CAST: variants seen among roughly 807,000 people sequenced by gnomAD.
CAST encodes calpastatin.
A neutral mutation model predicts 119.6 loss-of-function variants in CAST; 76 were observed. The ratio of observed to expected loss-of-function variants is 0.64; its 90% CI spans 0.53 to 0.77. CAST has a LOEUF of 0.77. Among genes scored for constraint, CAST ranks in the 30% least tolerant of loss-of-function variants. The probability of loss-of-function intolerance (pLI) is 0.00; values close to 1 mark genes in which losing one functional copy is unlikely to be tolerated. For synonymous variants in CAST, 319 were observed against 331.6 expected, an observed-to-expected ratio of 0.96 and a Z score of 0.41; for missense variants, 953 against 946.5, an observed-to-expected ratio of 1.01 and a Z score of -0.09.
chr5:96,743,580 C>G (rs1374634299), intron 16 of CAST: 1 of 1,592,084 alleles, frequency 6.3e-7, no homozygotes, highest in Non-Finnish European at 8.5e-7. Flanking sequence ...GGGAGTCTCC[C>G]TGACTTCCAG....
the CAST span, among the ~76,000 whole-genome samples, chr5:96,177,376 C>G: frequency 3.9e-5 from 6 of 152,210 alleles, no homozygotes; most frequent in Non-Finnish European, 4.4e-5. Flanking sequence ...ATATTGTACT[C>G]TGGTCCTTTG....
chr5:96,773,390 A>C lies in CAST; in HGVS notation c.*774A>C, dbSNP rs892021905. 3.9e-5 allele frequency: 6 copies of C among 152,846 alleles called. No individual in the cohort carries two copies. The highest frequency in any genetic ancestry group is 1.4e-4 in the African/African-American group (6 of 41,450). The allele number at this position is 152,846 out of a possible 1,614,324, so 9.5% of individuals were successfully genotyped here. A position where few individuals can be genotyped will look rare whatever the true frequency, so the allele number is the denominator to read the frequency against. On this transcript the variant is annotated 3_prime_UTR_variant, in exon 32 of 32. Coordinates refer to ENST00000675179, the MANE Select transcript of CAST (RefSeq NM_001750.7). ...TAGCAAATTTCGAGCATAAGAAATA[A>C]AATCTAATTAATTCTTAGGGTACTC... is the stretch of plus-strand genomic sequence containing the variant.
the CAST span, chr5:96,399,106 A>T: frequency 8.8e-7 from 1 of 1,132,202 alleles, no homozygotes; most frequent in Non-Finnish European, 1.3e-6. Context: ...GCATATCTGC[A>T]TGCATCAATC....
At chr5:96,361,279 G>A in the CAST span, among the ~76,000 whole-genome samples, 42 of 152,282 alleles carry the variant, frequency 2.8e-4, no homozygotes, top group African/African-American at 9.4e-4. Flanking sequence ...TGCGGGGGTG[G>A]GGTCCGCTGA....
the CAST span, among the ~76,000 whole-genome samples, chr5:96,001,615 T>C: frequency 6.6e-6 from 1 of 152,252 alleles, no homozygotes; most frequent in Non-Finnish European, 1.5e-5. Context: ...ATTCTCTTTA[T>C]TGTATTCAAA....
At chr5:96,396,951 A>G in the CAST span, among the ~76,000 whole-genome samples, 1 of 152,250 alleles carries the variant, frequency 6.6e-6, no homozygotes, top group Non-Finnish European at 1.5e-5. Flanking sequence ...CATGCCTTTA[A>G]GATGTGACTC....
At chr5:96,301,145 A>G in the CAST span, among the ~76,000 whole-genome samples, 82 of 152,260 alleles carry the variant, frequency 5.4e-4, no homozygotes, top group Admixed American at 1.0e-3. Context: ...GGCAAAAGGG[A>G]AGCTGACACA....
upstream of CAST, among the ~76,000 whole-genome samples, chr5:96,524,332 C>T (rs1309462335): frequency 1.3e-5 from 2 of 152,210 alleles, no homozygotes; most frequent in Non-Finnish European, 2.9e-5. Flanking sequence ...GGCATAAGCT[C>T]AGGAAGACAA....
At chr5:96,089,413 TATATAGTATTG>T in the CAST span, among the ~76,000 whole-genome samples, 1 of 152,320 alleles carries the variant, frequency 6.6e-6, no homozygotes, top group East Asian at 1.9e-4. Context: ...CAAGGATATT[TATATAGTATTG>T]TTTACAAAGA....
chr5:95,975,235 A>G, the CAST span, among the ~76,000 whole-genome samples: 9 of 152,186 alleles, frequency 5.9e-5, no homozygotes, highest in Non-Finnish European at 1.2e-4. Context: ...GCAGTGCAAC[A>G]TTTTATAACA....
chr5:96,182,559 C>G, the CAST span, among the ~76,000 whole-genome samples: 1 of 152,108 alleles, frequency 6.6e-6, no homozygotes, highest in Non-Finnish European at 1.5e-5. Flanking sequence ...AAGTTTGTAT[C>G]CATCCAAATG....
chr5:96,488,884 C>T, the CAST span, among the ~76,000 whole-genome samples: 54 of 152,148 alleles, frequency 3.5e-4, no homozygotes, highest in African/African-American at 1.2e-3. Context: ...TTTTGAGGCT[C>T]AACTCTACTA....
chr5:96,303,818 A>G, the CAST span, among the ~76,000 whole-genome samples: 1 of 152,226 alleles, frequency 6.6e-6, no homozygotes, highest in Non-Finnish European at 1.5e-5. Flanking sequence ...CATGGTGTAT[A>G]TGAGCCACAT....
At chr5:96,403,190 A>T in the CAST span, among the ~76,000 whole-genome samples, 1 of 152,204 alleles carries the variant, frequency 6.6e-6, no homozygotes, top group African/African-American at 2.4e-5. Flanking sequence ...ATTTTGTTTT[A>T]AAAATTTCCT....
the CAST span, chr5:96,423,389 A>G: frequency 1.5e-5 from 24 of 1,613,956 alleles, 1 homozygote; most frequent in African/African-American, 2.7e-4. Context: ...TTTGCCCGTA[A>G]TGCCTTTTTG....
the CAST span, among the ~76,000 whole-genome samples, chr5:96,357,662 T>C: frequency 6.6e-6 from 1 of 152,224 alleles, no homozygotes; most frequent in Admixed American, 6.5e-5. Context: ...GAAGCAGCCT[T>C]GCATCCCAGG....
At chr5:96,165,640 C>T in the CAST span, among the ~76,000 whole-genome samples, 7 of 152,330 alleles carry the variant, frequency 4.6e-5, no homozygotes, top group Admixed American at 2.6e-4. Flanking sequence ...AATTGATTCT[C>T]ACAGACTGCT....
At chr5:96,288,079 CCTTTT>C in the CAST span, among the ~76,000 whole-genome samples, 1 of 152,022 alleles carries the variant, frequency 6.6e-6, no homozygotes, top group Non-Finnish European at 1.5e-5. Flanking sequence ...GAATTTCAGT[CCTTTT>C]CTTATTTTGT....
chr5:96,407,228 CAAATT>C, the CAST span, among the ~76,000 whole-genome samples: 5 of 151,906 alleles, frequency 3.3e-5, no homozygotes, highest in Admixed American at 6.6e-5. Context: ...TACATAGAAA[CAAATT>C]AAAAGGTAAA....
Sources: gnomAD v4.1 joint callset for allele counts (sites outside exome capture counted in the v4.1 genomes callset) on GRCh38, gnomAD v4.1.1 for gene constraint, MANE v1.5 for transcripts, NCBI Gene and HGNC (gene_info 2026-07-23, HGNC 2026-07-21) for gene names.